Variants in ANTXR2 observed in about 807,000 individuals in gnomAD.
ANTXR2 encodes anthrax toxin receptor 2.
Under a neutral mutation model 73.7 loss-of-function variants are expected in ANTXR2, and 44 were observed. That is an observed-to-expected ratio of 0.60 (90% CI 0.47 to 0.77). ANTXR2 has a LOEUF of 0.77. Among genes scored for constraint, ANTXR2 ranks in the 30% least tolerant of loss-of-function variants. ANTXR2 has a pLI of 0.00. For synonymous variants in ANTXR2, 217 were observed against 205.9 expected, an observed-to-expected ratio of 1.05 and a Z score of -0.46; for missense variants, 604 against 592.5, an observed-to-expected ratio of 1.02 and a Z score of -0.20.
At chr4:79,984,948 T>C (rs1253987598) in intron 12 of ANTXR2, 85 bp from the exon 13 acceptor site, 7 of 1,093,026 alleles carry the variant, frequency 6.4e-6, no homozygotes, top group Non-Finnish European at 9.3e-6. Context: ...ATACATAAAA[T>C]ACTGTGGTAG....
intron 10 of ANTXR2, among the ~76,000 whole-genome samples, chr4:80,021,229 A>T (rs1187402440): frequency 6.6e-6 from 1 of 151,964 alleles, no homozygotes; most frequent in Admixed American, 6.6e-5. Flanking sequence ...CATCTAATTA[A>T]CTATACTTCT....
chr4:79,915,829 C>CCTCTCT (rs71596772), intron 16 of ANTXR2, among the ~76,000 whole-genome samples: 36 of 132,980 alleles, frequency 2.7e-4, no homozygotes, highest in East Asian at 6.5e-4. Context: ...TGTCTCTCTC[C>CCTCTCT]CTCTCTCTCT....
intron 12 of ANTXR2, among the ~76,000 whole-genome samples, chr4:79,993,760 G>GTGCGCGCGCACACACA (rs1553931142): frequency 7.1e-6 from 1 of 140,658 alleles, no homozygotes; most frequent in East Asian, 2.1e-4. Flanking sequence ...ACACACACAC[G>GTGCGCGCGCACACACA]CACACACACA....
intron 16 of ANTXR2, among the ~76,000 whole-genome samples, chr4:79,934,394 G>A (rs969740991): frequency 6.6e-6 from 1 of 152,096 alleles, no homozygotes; most frequent in African/African-American, 2.4e-5. Flanking sequence ...GGGCATGGTT[G>A]GATATGACTG....
intron 16 of ANTXR2, among the ~76,000 whole-genome samples, chr4:79,966,828 G>C (rs889500065): frequency 6.6e-6 from 1 of 152,126 alleles, no homozygotes; most frequent in African/African-American, 2.4e-5. Context: ...GCCTGTGATT[G>C]CTGCACATTC....
rs763623840 is a variant in ANTXR2 at position 79,984,830 on chromosome 4, C to A, written c.1075G>T (p.Ala359Ser). 3 of 1,607,934 alleles carry A rather than the reference C, an allele frequency of 1.9e-6. No individual in the cohort carries two copies. In the African/African-American group the frequency reaches 4.0e-5, roughly 22 times the overall value. ...IKDPPPPPAPAPKEEEEEPLP... is the reference protein window; with the variant it reads ...IKDPPPPPAPSPKEEEEEPLP... Reference sequence around the variant, plus strand: ...AGGCACTCACTTACCTCTTTTGGTGCAGGGGCGGGTGGTGGTGGAGGATCC... The same window carrying A: ...AGGCACTCACTTACCTCTTTTGGTGAAGGGGCGGGTGGTGGTGGAGGATCC... Residue 359 changes from alanine (A) to serine (S), a missense_variant, in exon 13 of 17, where the codon GCA (alanine) becomes TCA (serine). By Grantham distance (99) the Ala-to-Ser change is moderately conservative. Transcript: ENST00000403729.
chr4:80,055,442 C>A lies in ANTXR2; in HGVS notation c.404G>T (p.Gly135Val). ...TATGATACTGGAGGTTTTCAAGCCT[C>A]CTGCTTTCTGAATTTGTTCATTCGC... is the stretch of plus-strand genomic sequence containing the variant. ...KLANEQIQKA[G>V]GLKTSSIIIA... The change falls in exon 5 of 17, where the codon GGA becomes GTA. Residue 135 changes from glycine (G) to valine (V), a missense_variant. Gly to Val is a moderately radical substitution (Grantham distance 109). Coordinates refer to ENST00000403729, the MANE Select transcript of ANTXR2 (RefSeq NM_058172.6). 6.2e-7 allele frequency: 1 copy of A among 1,610,568 alleles called. No individual in the cohort carries two copies. Among genetic ancestry groups the A allele is most frequent in the Non-Finnish European group, 8.5e-7 (1 of 1,178,036 alleles).
chr4:80,001,081 G>T (rs1731007275), intron 12 of ANTXR2, among the ~76,000 whole-genome samples: 1 of 151,968 alleles, frequency 6.6e-6, no homozygotes, highest in African/African-American at 2.4e-5. Flanking sequence ...GAAGCATTAT[G>T]CATATTAACT....
chr4:79,979,021 G>C (rs1000231054), intron 14 of ANTXR2, among the ~76,000 whole-genome samples: 3 of 152,086 alleles, frequency 2.0e-5, no homozygotes, highest in African/African-American at 7.2e-5. Flanking sequence ...AATCTGAAAA[G>C]ACTGCTTTGA....
intron 16 of ANTXR2, among the ~76,000 whole-genome samples, chr4:79,963,775 A>C (rs928439497): frequency 2.6e-5 from 4 of 152,310 alleles, no homozygotes; most frequent in African/African-American, 9.6e-5. Context: ...TGTCATATTT[A>C]CGTGTGCAAA....
At chr4:80,067,878 A>C (rs1055491941) in intron 3 of ANTXR2, among the ~76,000 whole-genome samples, 4 of 152,234 alleles carry the variant, frequency 2.6e-5, no homozygotes, top group Non-Finnish European at 5.9e-5. Flanking sequence ...ATCAGGATAG[A>C]TAGCTAATGC....
At chr4:80,049,045 T>A (rs1055069262) in intron 7 of ANTXR2, among the ~76,000 whole-genome samples, 1 of 151,748 alleles carries the variant, frequency 6.6e-6, no homozygotes, top group Non-Finnish European at 1.5e-5. Context: ...GTGTTCTCAA[T>A]TCTTTTGGAC....
intron 7 of ANTXR2, among the ~76,000 whole-genome samples, chr4:80,039,314 G>A (rs1030353489): frequency 5.3e-5 from 8 of 152,080 alleles, no homozygotes; most frequent in Non-Finnish European, 2.9e-5. Context: ...AGTTTACCAT[G>A]TTCCAATATT....
chr4:79,909,838 C>G lies in ANTXR2; in HGVS notation c.1429-2371G>C, dbSNP rs372289807. Among the ~76,000 whole-genome samples, 6 of 152,106 alleles carry G rather than the reference C, an allele frequency of 3.9e-5. No homozygotes were observed. In the East Asian group the frequency reaches 1.2e-3, roughly 29 times the overall value. On this transcript the variant is annotated intron_variant, in intron 16 of 16. Coordinates refer to ENST00000403729, the MANE Select transcript of ANTXR2 (RefSeq NM_058172.6). ...TCAAAAATTTAAAAGGAGGTGACTT[C>G]GGGAAATCTGTTCAAGAGTCACTGT...
chr4:79,966,780 C>T (rs1457082242), intron 16 of ANTXR2, among the ~76,000 whole-genome samples: 1 of 152,014 alleles, frequency 6.6e-6, no homozygotes. Flanking sequence ...ATTTTAGAGA[C>T]TTAAAAAAAT....
At chr4:79,975,474 A>G (rs1488025287) in intron 16 of ANTXR2, among the ~76,000 whole-genome samples, 2 of 152,252 alleles carry the variant, frequency 1.3e-5, no homozygotes, top group Non-Finnish European at 2.9e-5. Flanking sequence ...TATAAACTAA[A>G]TTACAATCAT....
At position 80,009,795 on chromosome 4, in the gene ANTXR2, C is replaced by T. The variant is rs573749555; in HGVS notation, c.946-1179G>A. ...CCGGGAGGTGGAGTTTGCCATGAGC[C>T]GAGATTGCACCACTGCATTCCAGCC... On this transcript the variant is annotated intron_variant, in intron 11 of 16. Transcript: ENST00000403729. Among the ~76,000 whole-genome samples, 6 of 149,246 alleles carry T rather than the reference C, an allele frequency of 4.0e-5. No homozygotes were observed. In the South Asian group the frequency reaches 1.1e-3, roughly 26 times the overall value.
chr4:79,979,642 T>C (rs1387796385), intron 14 of ANTXR2, among the ~76,000 whole-genome samples: 1 of 152,186 alleles, frequency 6.6e-6, no homozygotes, highest in Admixed American at 6.5e-5. Flanking sequence ...AGAATGTTTT[T>C]ATGAGGTTGT....
At chr4:80,060,380 C>A (rs1180056380) in intron 3 of ANTXR2, among the ~76,000 whole-genome samples, 1 of 152,148 alleles carries the variant, frequency 6.6e-6, no homozygotes, top group Non-Finnish European at 1.5e-5. Flanking sequence ...CTGATCTAAC[C>A]TAATTTTAAA....
Sources: gnomAD v4.1 joint callset for allele counts (sites outside exome capture counted in the v4.1 genomes callset) on GRCh38, gnomAD v4.1.1 for gene constraint, MANE v1.5 for transcripts, NCBI Gene and HGNC (gene_info 2026-07-23, HGNC 2026-07-21) for gene names.